TMEM170A: variants seen among roughly 807,000 people sequenced by gnomAD.
The protein encoded by TMEM170A is transmembrane protein 170.
In TMEM170A, 18 loss-of-function variants were observed where a neutral mutation model predicts 12.8. The ratio of observed to expected loss-of-function variants is 1.41; its 90% CI spans 0.97 to 2.09. The LOEUF (loss-of-function observed/expected upper bound fraction) is 2.09, where lower values mean the gene tolerates loss of function less well. TMEM170A is among the 30% of genes most tolerant of loss of function. The pLI is 0.00. For synonymous variants in TMEM170A, 107 were observed against 76.2 expected, an observed-to-expected ratio of 1.40 and a Z score of -2.11; for missense variants, 220 against 179.9, an observed-to-expected ratio of 1.22 and a Z score of -1.28.
intron 1 of TMEM170A, chr16:75,458,567 G>T (rs1285439105): frequency 2.0e-5 from 3 of 152,182 alleles, no homozygotes; most frequent in Non-Finnish European, 4.4e-5. Flanking sequence ...CTAAATGCTG[G>T]AAAAGGCAAG....
rs2079540223 is a variant in TMEM170A, at chr16:75,443,872, T to C, written c.*3686A>G. The C allele has an allele frequency of 6.6e-6, 1 of 152,156 alleles. No individual in the cohort carries two copies. Among genetic ancestry groups the C allele is most frequent in the Non-Finnish European group, 1.5e-5 (1 of 68,040 alleles). The allele number at this position is 152,156 out of a possible 1,614,324, so 9.4% of individuals were successfully genotyped here. On this transcript the variant is annotated 3_prime_UTR_variant, in exon 3 of 3. Transcript: ENST00000561878. ...GGGAGGCCGAGGCGGGTGGATCACT[T>C]GAAGTCAGGAGTTTGAGACCAGCCT...
rs372021058 is a variant in TMEM170A, at chr16:75,451,352, C to T, written c.304+317G>A. The T allele has an allele frequency of 9.0e-6, 4 of 442,712 alleles. No individual in the cohort carries two copies. In the South Asian group the frequency reaches 1.3e-4, roughly 14 times the overall value. 27.4% of individuals were successfully genotyped at this position (442,712 alleles called of 1,614,324 possible). The stretch of plus-strand genomic sequence containing the variant: ...ATTGCTTGAGCTCAGGAGTTCGAGA[C>T]CCGGGCAACATGACGAAACCCTGTC... On this transcript the variant is annotated intron_variant, in intron 2 of 2. Coordinates refer to ENST00000561878, the MANE Select transcript of TMEM170A (RefSeq NM_145254.3).
At chr16:75,453,789 C>G (rs909321814) in intron 1 of TMEM170A, among the ~76,000 whole-genome samples, 2 of 152,208 alleles carry the variant, frequency 1.3e-5, no homozygotes, top group Non-Finnish European at 2.9e-5. Context: ...CTTAAGGTGT[C>G]TGTAACTCAG....
At chr16:75,449,687 A>T (rs2079648647) in intron 2 of TMEM170A, among the ~76,000 whole-genome samples, 1 of 152,204 alleles carries the variant, frequency 6.6e-6, no homozygotes, top group African/African-American at 2.4e-5. Flanking sequence ...TATTAACCAA[A>T]GGTTGGCTGC....
At chr16:75,464,084 G>A (rs1466988693) in intron 1 of TMEM170A, 8 of 848,256 alleles carry the variant, frequency 9.4e-6, no homozygotes, top group Non-Finnish European at 1.1e-5. Context: ...CCCCTCGAAG[G>A]AGGCCGGGCG....
Position 75,451,856 on chromosome 16 carries a change from AGAAAAGTTGTGAAT to A in TMEM170A, c.134-31_134-18del. ...ACCACATCTCTATGAGGGAAGACAA[AGAAAAGTTGTGAAT>A]CACTGCCCTTCCCAGGACAATCATT... On this transcript the variant is annotated intron_variant, in intron 1 of 2. Coordinates refer to ENST00000561878, the MANE Select transcript of TMEM170A (RefSeq NM_145254.3). 1 of 1,596,260 alleles carries A rather than the reference AGAAAAGTTGTGAAT, an allele frequency of 6.3e-7. No homozygotes were observed.
At chr16:75,451,320 T>C (rs1234616216) in intron 2 of TMEM170A, 2 of 347,616 alleles carry the variant, frequency 5.8e-6, no homozygotes, top group Non-Finnish European at 1.0e-5. Flanking sequence ...GAGGCCAAGG[T>C]GGGCAGATTG....
chr16:75,449,972 T>C (rs1223215913), intron 2 of TMEM170A, among the ~76,000 whole-genome samples: 1 of 152,124 alleles, frequency 6.6e-6, no homozygotes, highest in Non-Finnish European at 1.5e-5. Flanking sequence ...GAATACAACA[T>C]TTATTCGACA....
chr16:75,461,256 G>A (rs906132323), intron 1 of TMEM170A, among the ~76,000 whole-genome samples: 3 of 149,018 alleles, frequency 2.0e-5, no homozygotes, highest in Non-Finnish European at 2.9e-5. Flanking sequence ...GTGTCACCAC[G>A]TTGGCCAGGC....
chr16:75,464,175 G>A (rs2079955481), intron 1 of TMEM170A: 2 of 1,478,798 alleles, frequency 1.4e-6, no homozygotes, highest in Non-Finnish European at 1.8e-6. Context: ...GCGCTCGGAA[G>A]CTCAAGGCCA....
intron 1 of TMEM170A, among the ~76,000 whole-genome samples, chr16:75,453,728 T>A (rs1244207950): frequency 6.6e-6 from 1 of 152,166 alleles, no homozygotes; most frequent in African/African-American, 2.4e-5. Context: ...AAATGGCAGG[T>A]AAACAACAGT....
chr16:75,449,188 C>T (rs533141564), intron 2 of TMEM170A, among the ~76,000 whole-genome samples: 2 of 152,302 alleles, frequency 1.3e-5, no homozygotes, highest in East Asian at 3.9e-4. Flanking sequence ...TTCATTCACT[C>T]CAATTTTCAT....
chr16:75,450,664 CT>C (rs34424243), intron 2 of TMEM170A, among the ~76,000 whole-genome samples: 81,444 of 151,406 alleles, frequency 0.54, 22,540 homozygotes, highest in Admixed American at 0.64. Context: ...AGCAAGAATT[CT>C]TTTTTTTTCC....
intron 2 of TMEM170A, among the ~76,000 whole-genome samples, chr16:75,448,661 G>A (rs549143139): frequency 6.6e-6 from 1 of 152,184 alleles, no homozygotes; most frequent in East Asian, 1.9e-4. Flanking sequence ...CTACTCGGGA[G>A]GCTGAGGCAG....
At chr16:75,448,492 G>A (rs796660283) in intron 2 of TMEM170A, among the ~76,000 whole-genome samples, 1 of 152,200 alleles carries the variant, frequency 6.6e-6, no homozygotes, top group Non-Finnish European at 1.5e-5. Flanking sequence ...GCCGGGCACG[G>A]TGGCTCACGC....
intron 1 of TMEM170A, among the ~76,000 whole-genome samples, chr16:75,463,982 G>A (rs2079951358): frequency 6.6e-6 from 1 of 152,256 alleles, no homozygotes. Context: ...CGCGATCAGC[G>A]AACGAGCGCC....
chr16:75,456,291 T>C (rs2079794690), intron 1 of TMEM170A, among the ~76,000 whole-genome samples: 1 of 152,038 alleles, frequency 6.6e-6, no homozygotes, highest in African/African-American at 2.4e-5. Context: ...CAATGCTTAT[T>C]AAAAATAACA....
chr16:75,464,450 G>A lies in TMEM170A; in HGVS notation c.133+18C>T, dbSNP rs1597461380. 1 of 1,453,972 alleles carries A rather than the reference G, an allele frequency of 6.9e-7. No individual in the cohort carries two copies. The highest frequency in any genetic ancestry group is 9.0e-7 in the Non-Finnish European group (1 of 1,104,980). The allele number at this position is 1,453,972 out of a possible 1,614,324, so 90.1% of individuals were successfully genotyped here. A position where few individuals can be genotyped will look rare whatever the true frequency, so the allele number is the denominator to read the frequency against. On this transcript the variant is annotated intron_variant, in intron 1 of 2. Coordinates refer to ENST00000561878, the MANE Select transcript of TMEM170A (RefSeq NM_145254.3). ...CGACGGCGGGGCGCGCAGTGCGCAG[G>A]CGCGGGGCGGGCCGTACCTGGGAAG...
Position 75,447,621 on chromosome 16 carries a change from C to T in TMEM170A, c.372G>A (p.Leu124=). 2 of 1,612,436 alleles carry T rather than the reference C, an allele frequency of 1.2e-6. No individual in the cohort carries two copies. Among genetic ancestry groups the T allele is most frequent in the Non-Finnish European group, 1.7e-6 (2 of 1,179,392 alleles). Residue 124 remains leucine (L), a synonymous_variant, in exon 3 of 3, where the codon CTG becomes CTA. Transcript: ENST00000561878. ...AGACGCAAAATGTCTGTCCAGTGCC[C>T]AGTGTGAGGGCTTCAAATGGTATCA... ...KEMIPFEALT[L]GTGQTFCVLV...
Sources: gnomAD v4.1 joint callset for allele counts (sites outside exome capture counted in the v4.1 genomes callset) on GRCh38, gnomAD v4.1.1 for gene constraint, MANE v1.5 for transcripts, NCBI Gene and HGNC (gene_info 2026-07-23, HGNC 2026-07-21) for gene names.